The following KCNQ5 variants were observed in gnomAD, a reference collection of about 807,000 sequenced individuals.
The protein encoded by KCNQ5 is potassium voltage-gated channel subfamily KQT member 5.
A neutral mutation model predicts 98.2 loss-of-function variants in KCNQ5; 30 were observed. That is an observed-to-expected ratio of 0.31 (90% CI 0.23 to 0.41). The LOEUF is 0.41. Among genes scored for constraint, KCNQ5 ranks in the 10% least tolerant of loss-of-function variants. The pLI, the probability that KCNQ5 is intolerant of heterozygous loss-of-function variation, is 1.00. For missense variants in KCNQ5, 835 were observed against 1,182.5 expected, an observed-to-expected ratio of 0.71 and a Z score of 4.31; for synonymous variants, 458 against 449.4, an observed-to-expected ratio of 1.02 and a Z score of -0.24.
intron 1 of KCNQ5, among the ~76,000 whole-genome samples, chr6:72,642,371 G>A (rs948813320): frequency 2.0e-5 from 3 of 151,780 alleles, no homozygotes; most frequent in Admixed American, 6.6e-5. Context: ...TGCAGGATGT[G>A]CAGGTTTGTT....
At chr6:72,755,529 C>T (rs1293869198) in intron 1 of KCNQ5, among the ~76,000 whole-genome samples, 1 of 151,874 alleles carries the variant, frequency 6.6e-6, no homozygotes, top group African/African-American at 2.4e-5. Flanking sequence ...AGTAGTTGTG[C>T]TGGTATTTAC....
At chr6:72,908,208 G>C (rs1581996627) in intron 1 of KCNQ5, among the ~76,000 whole-genome samples, 1 of 152,050 alleles carries the variant, frequency 6.6e-6, no homozygotes, top group African/African-American at 2.4e-5. Flanking sequence ...TAGGTGGAGA[G>C]AGGGAGAACA....
chr6:73,036,243 G>A (rs1389303232), intron 2 of KCNQ5, among the ~76,000 whole-genome samples: 1 of 151,732 alleles, frequency 6.6e-6, no homozygotes, highest in Non-Finnish European at 1.5e-5. Flanking sequence ...AAAATTAGCT[G>A]GGCGTGGTGG....
intron 3 of KCNQ5, among the ~76,000 whole-genome samples, chr6:73,054,679 T>C (rs1005886174): frequency 6.6e-6 from 1 of 152,204 alleles, no homozygotes; most frequent in Non-Finnish European, 1.5e-5. Flanking sequence ...AACTAGGCAC[T>C]GAAGGAACAT....
chr6:73,105,124 AGC>A, intron 5 of KCNQ5, 131 bp from the exon 6 acceptor site: 1 of 514,630 alleles, frequency 1.9e-6, no homozygotes, highest in Non-Finnish European at 3.5e-6. Context: ...GGAAAATTAA[AGC>A]ACAGTAATAA....
At chr6:73,004,613 G>C (rs1769737152) in intron 2 of KCNQ5, among the ~76,000 whole-genome samples, 3 of 152,164 alleles carry the variant, frequency 2.0e-5, no homozygotes, top group Non-Finnish European at 4.4e-5. Context: ...AAGACCCCAA[G>C]ATATTTTTAT....
intron 3 of KCNQ5, among the ~76,000 whole-genome samples, chr6:73,043,906 G>T (rs561283175): frequency 3.3e-5 from 5 of 152,218 alleles, no homozygotes; most frequent in African/African-American, 1.2e-4. Flanking sequence ...ATCCTTGCAG[G>T]TCTTGATATA....
At chr6:73,130,532 C>G (rs1055196533) in intron 9 of KCNQ5, among the ~76,000 whole-genome samples, 4 of 152,020 alleles carry the variant, frequency 2.6e-5, no homozygotes, top group African/African-American at 9.7e-5. Flanking sequence ...GGGGATAATC[C>G]TTGGCATTCT....
At chr6:72,837,240 A>G (rs2150129214) in intron 1 of KCNQ5, among the ~76,000 whole-genome samples, 1 of 152,302 alleles carries the variant, frequency 6.6e-6, no homozygotes, top group African/African-American at 2.4e-5. Context: ...TTTATTGAAC[A>G]CTTAATATGC....
intron 1 of KCNQ5, among the ~76,000 whole-genome samples, chr6:72,707,335 AT>A (rs1455611528): frequency 5.3e-5 from 8 of 152,322 alleles, no homozygotes; most frequent in African/African-American, 1.9e-4. Flanking sequence ...ACTAATTTGT[AT>A]TGATAATAGG....
At chr6:73,017,845 G>A (rs916034380) in intron 2 of KCNQ5, among the ~76,000 whole-genome samples, 1 of 152,072 alleles carries the variant, frequency 6.6e-6, no homozygotes, top group South Asian at 2.1e-4. Context: ...GAACACTGCA[G>A]AAGAGTCTTA....
At chr6:72,736,502 C>CTTTTTTCTT (rs1770842448) in intron 1 of KCNQ5, among the ~76,000 whole-genome samples, 1 of 121,060 alleles carries the variant, frequency 8.3e-6, no homozygotes, top group African/African-American at 3.7e-5. Flanking sequence ...AAAAAGATTT[C>CTTTTTTCTT]TTTTTTTTTT....
intron 1 of KCNQ5, among the ~76,000 whole-genome samples, chr6:72,725,973 C>T (rs1485573605): frequency 1.3e-5 from 2 of 151,994 alleles, no homozygotes; most frequent in African/African-American, 4.8e-5. Context: ...ATGGATGCAT[C>T]ACAGTCATAG....
intron 1 of KCNQ5, among the ~76,000 whole-genome samples, chr6:72,995,122 A>G (rs1769223594): frequency 6.6e-6 from 1 of 152,188 alleles, no homozygotes; most frequent in Non-Finnish European, 1.5e-5. Context: ...TAATCCCAGC[A>G]CTTTGGGAAG....
intron 1 of KCNQ5, among the ~76,000 whole-genome samples, chr6:72,958,000 G>A (rs913778781): frequency 6.6e-6 from 1 of 152,124 alleles, no homozygotes; most frequent in South Asian, 2.1e-4. Context: ...ATTCCTTAGA[G>A]CAAGTGCTGT....
intron 1 of KCNQ5, among the ~76,000 whole-genome samples, chr6:72,737,882 G>A (rs867530643): frequency 6.6e-6 from 1 of 152,100 alleles, no homozygotes; most frequent in Non-Finnish European, 1.5e-5. Context: ...GGGGCTGGGC[G>A]CAGTGGCTCA....
chr6:72,666,490 ACT>A (rs1766822395), intron 1 of KCNQ5, among the ~76,000 whole-genome samples: 1 of 152,090 alleles, frequency 6.6e-6, no homozygotes, highest in Admixed American at 6.5e-5. Flanking sequence ...TTTACTTTAA[ACT>A]CTGTTTTGAA....
chr6:72,695,707 C>T (rs1768458874), intron 1 of KCNQ5, among the ~76,000 whole-genome samples: 1 of 151,980 alleles, frequency 6.6e-6, no homozygotes, highest in Non-Finnish European at 1.5e-5. Flanking sequence ...TACACATATA[C>T]ACACATACAC....
At chr6:73,046,890 G>A (rs941069906) in intron 3 of KCNQ5, among the ~76,000 whole-genome samples, 1 of 152,034 alleles carries the variant, frequency 6.6e-6, no homozygotes, top group Non-Finnish European at 1.5e-5. Context: ...TAATCCACCC[G>A]CCTCAGCGTC....
Sources: allele counts gnomAD v4.1 joint callset (sites outside exome capture counted in the v4.1 genomes callset), GRCh38; gene constraint gnomAD v4.1.1; transcripts MANE v1.5; gene names NCBI Gene and HGNC (gene_info 2026-07-23, HGNC 2026-07-21).